Variants in RSF1 observed in about 807,000 individuals in gnomAD.
RSF1 encodes HBV pX-associated protein 8.
In RSF1, 13 loss-of-function variants were observed where a neutral mutation model predicts 145.2. The observed-to-expected ratio is 0.09, with a 90% CI of 0.06 to 0.14. The LOEUF (loss-of-function observed/expected upper bound fraction) is 0.14. Among genes scored for constraint, RSF1 ranks in the 10% least tolerant of loss-of-function variants. RSF1 has a pLI of 1.00. For missense variants in RSF1, 1,517 were observed against 1,718.2 expected (o/e 0.88, Z 2.07); for synonymous variants, 577 against 592.6 (o/e 0.97, Z 0.38).
At chr11:77,679,540 G>A (rs185642360) in intron 11 of RSF1, among the ~76,000 whole-genome samples, 2 of 152,128 alleles carry the variant, frequency 1.3e-5, no homozygotes, top group East Asian at 3.9e-4. Context: ...TGGGTGTGTG[G>A]TGCGTGCCTG....
In RSF1 at chr11:77,687,625, TA is replaced by T. The variant is rs1199737876; in HGVS notation, c.2901-2467del. Among the ~76,000 whole-genome samples the T allele has an allele frequency of 1.2e-4, 19 of 152,184 alleles. No homozygotes were observed. The East Asian group carries it at 3.5e-3, about 28-fold the overall frequency. The stretch of plus-strand genomic sequence containing the variant: ...AGGAGGCTGAGGTGGGAGGATCACT[TA>T]AAGATGGGAGGCAGAGGTTGCAGTT... On this transcript the variant is annotated intron_variant, in intron 9 of 15. Coordinates refer to ENST00000308488, the MANE Select transcript of RSF1 (RefSeq NM_016578.4).
chr11:77,724,790 T>C (rs960918646), intron 5 of RSF1, among the ~76,000 whole-genome samples: 7 of 152,164 alleles, frequency 4.6e-5, no homozygotes, highest in Admixed American at 2.0e-4. Context: ...AACACCGCCA[T>C]TGATCTGACA....
At chr11:77,806,221 T>A (rs1488830589) in intron 1 of RSF1, among the ~76,000 whole-genome samples, 1 of 151,050 alleles carries the variant, frequency 6.6e-6, no homozygotes, top group Non-Finnish European at 1.5e-5. Flanking sequence ...GGGGTGGGGC[T>A]CTTAGAAAAA....
chr11:77,687,382 C>T (rs998636566), intron 9 of RSF1, among the ~76,000 whole-genome samples: 2 of 152,104 alleles, frequency 1.3e-5, no homozygotes, highest in Admixed American at 1.3e-4. Context: ...TTACAGATGT[C>T]CTCTTAAAGG....
intron 1 of RSF1, among the ~76,000 whole-genome samples, chr11:77,798,454 G>A (rs1289141481): frequency 2.0e-5 from 3 of 151,354 alleles, no homozygotes; most frequent in African/African-American, 4.9e-5. Context: ...GCACACACAC[G>A]CCTATAATCC....
At chr11:77,841,313 A>C in the RSF1 span, 3 of 681,170 alleles carry the variant, frequency 4.4e-6, no homozygotes, top group Non-Finnish European at 8.1e-6. Context: ...CACTAAACTA[A>C]ATCTATGAAT....
chr11:77,845,947 T>C, the RSF1 span, among the ~76,000 whole-genome samples: 3 of 152,282 alleles, frequency 2.0e-5, no homozygotes, highest in Admixed American at 6.5e-5. Flanking sequence ...AATCCCCATA[T>C]GGACCTGCCT....
the RSF1 span, chr11:77,850,978 T>TG: frequency 7.5e-6 from 1 of 133,968 alleles, no homozygotes; most frequent in South Asian, 2.3e-4. Context: ...TTTTTTGAGA[T>TG]GGAGTCTCGC....
At chr11:77,718,159 A>T (rs1960859696) in intron 5 of RSF1, 2 of 152,248 alleles carry the variant, frequency 1.3e-5, no homozygotes. Context: ...ATACAAAATT[A>T]GCTGGGCCTG....
the RSF1 span, among the ~76,000 whole-genome samples, chr11:77,865,571 T>TTA: frequency 2.6e-5 from 4 of 152,212 alleles, no homozygotes; most frequent in Non-Finnish European, 5.9e-5. Flanking sequence ...CACATTTAAC[T>TTA]GCAAGAAGTA....
intron 1 of RSF1, among the ~76,000 whole-genome samples, chr11:77,795,476 C>T (rs1237361100): frequency 6.6e-6 from 1 of 152,158 alleles, no homozygotes; most frequent in Non-Finnish European, 1.5e-5. Context: ...AAATATATTA[C>T]AAGCTACAGT....
At chr11:77,865,167 C>T in the RSF1 span, among the ~76,000 whole-genome samples, 2 of 152,084 alleles carry the variant, frequency 1.3e-5, no homozygotes, top group African/African-American at 4.8e-5. Context: ...ACATGATTTG[C>T]CTAACTAGTC....
rs773320925 is a variant in RSF1, at chr11:77,701,769, G to A, written c.1460C>T (p.Thr487Ile). ...DRNIITEGNG[T>I]ESLNSVITSM... Reference sequence around the variant, plus strand: ...TGTTATGACAGAATTTAAGGACTCTGTTCCATTTCCCTCCGTGATGATATT... The same window carrying A: ...TGTTATGACAGAATTTAAGGACTCTATTCCATTTCCCTCCGTGATGATATT... Residue 487 changes from threonine (T) to isoleucine (I), a missense_variant, in exon 6 of 16, where the codon ACA becomes ATA. Transcript: ENST00000308488. 6.2e-7 allele frequency: 1 copy of A among 1,613,834 alleles called. No individual in the cohort carries two copies. The highest frequency in any genetic ancestry group is 2.2e-5 in the East Asian group (1 of 44,870).
At chr11:77,775,485 G>T (rs1408811828) in intron 1 of RSF1, among the ~76,000 whole-genome samples, 1 of 152,110 alleles carries the variant, frequency 6.6e-6, no homozygotes, top group African/African-American at 2.4e-5. Context: ...GGGAGGAAAG[G>T]GAAAGGAGAA....
intron 1 of RSF1, among the ~76,000 whole-genome samples, chr11:77,815,257 T>A (rs1948770790): frequency 6.6e-6 from 1 of 152,232 alleles, no homozygotes; most frequent in Non-Finnish European, 1.5e-5. Flanking sequence ...AAATTAAAAA[T>A]CAAAGCCTGC....
At chr11:77,670,120 A>G (rs1340271580) in intron 15 of RSF1, among the ~76,000 whole-genome samples, 1 of 152,116 alleles carries the variant, frequency 6.6e-6, no homozygotes, top group Non-Finnish European at 1.5e-5. Context: ...CCTGTCTCAA[A>G]AACAAAAACA....
intron 4 of RSF1, among the ~76,000 whole-genome samples, chr11:77,736,060 C>A (rs894260275): frequency 2.6e-5 from 4 of 152,182 alleles, no homozygotes; most frequent in African/African-American, 4.8e-5. Flanking sequence ...CTAAAGAAAT[C>A]TCTTGCTAAA....
upstream of RSF1, chr11:77,821,026 G>A: frequency 2.1e-6 from 1 of 479,526 alleles, no homozygotes; most frequent in South Asian, 3.8e-5. Flanking sequence ...AAGGGAAGCG[G>A]GGCGGGGAGG....
Position 77,808,628 on chromosome 11 carries a change from G to A in RSF1, c.187+11900C>T, listed in dbSNP as rs1030972721. Among the ~76,000 whole-genome samples the A allele has an allele frequency of 2.8e-4, 25 of 89,728 alleles. 1 individual carries two copies. Among genetic ancestry groups the A allele is most frequent in the African/African-American group, 1.4e-3 (25 of 17,516 alleles). 58.9% of individuals were successfully genotyped at this position (89,728 alleles called of 152,430 possible). ...GGCTCACTGCAAGCTCCGCCTCCCG[G>A]GTTCACGCCATTCTCCTGCCTCAGC... On this transcript the variant is annotated intron_variant, in intron 1 of 15. Coordinates refer to ENST00000308488, the MANE Select transcript of RSF1 (RefSeq NM_016578.4).
Sources: allele counts gnomAD v4.1 joint callset (sites outside exome capture counted in the v4.1 genomes callset), GRCh38; gene constraint gnomAD v4.1.1; transcripts MANE v1.5; gene names NCBI Gene and HGNC (gene_info 2026-07-23, HGNC 2026-07-21).